GRID1: variants seen among roughly 807,000 people sequenced by gnomAD.
GRID1 encodes glutamate ionotropic receptor delta type subunit 1, also known as glutamate receptor ionotropic, delta-1.
A neutral mutation model predicts 98.0 loss-of-function variants in GRID1; 28 were observed. The ratio of observed to expected loss-of-function variants is 0.29; its 90% CI spans 0.21 to 0.39. The LOEUF (loss-of-function observed/expected upper bound fraction) is 0.39. Among genes scored for constraint, GRID1 ranks in the 10% least tolerant of loss-of-function variants. The probability of loss-of-function intolerance (pLI) is 1.00; values close to 1 mark genes in which losing one functional copy is unlikely to be tolerated. For synonymous variants in GRID1, 553 were observed against 538.5 expected, an observed-to-expected ratio of 1.03 and a Z score of -0.37; for missense variants, 1,111 against 1,340.5, an observed-to-expected ratio of 0.83 and a Z score of 2.67.
chr10:86,175,522 C>T (rs1251134671), intron 3 of GRID1, among the ~76,000 whole-genome samples: 3 of 152,070 alleles, frequency 2.0e-5, no homozygotes, highest in African/African-American at 4.8e-5. Context: ...CCTGCCATCT[C>T]TCGAACCCAC....
intron 12 of GRID1, among the ~76,000 whole-genome samples, chr10:85,704,981 G>T (rs1320333502): frequency 6.6e-6 from 1 of 152,128 alleles, no homozygotes; most frequent in East Asian, 1.9e-4. Flanking sequence ...TGTGTAGAGG[G>T]AAATTTATAG....
At chr10:86,199,110 C>A (rs191677587) in intron 3 of GRID1, among the ~76,000 whole-genome samples, 56 of 152,208 alleles carry the variant, frequency 3.7e-4, no homozygotes, top group African/African-American at 1.3e-3. Flanking sequence ...GTGAAAAATT[C>A]ATCTCCCATC....
intron 4 of GRID1, among the ~76,000 whole-genome samples, chr10:86,108,280 A>G (rs1216718648): frequency 1.3e-5 from 2 of 151,950 alleles, no homozygotes; most frequent in Non-Finnish European, 2.9e-5. Flanking sequence ...CTTCAATATA[A>G]CCTCTTTGCA....
intron 4 of GRID1, among the ~76,000 whole-genome samples, chr10:86,120,016 G>C (rs1844643170): frequency 6.6e-6 from 1 of 151,896 alleles, no homozygotes; most frequent in Admixed American, 6.6e-5. Context: ...TAGCAAGATG[G>C]TCTCGATCTC....
At chr10:85,858,800 C>A (rs1822339554) in intron 6 of GRID1, among the ~76,000 whole-genome samples, 1 of 152,208 alleles carries the variant, frequency 6.6e-6, no homozygotes, top group South Asian at 2.1e-4. Flanking sequence ...CACACACTCA[C>A]ACATCAGGGC....
chr10:85,769,091 A>T (rs528063548), intron 8 of GRID1, among the ~76,000 whole-genome samples: 13 of 152,240 alleles, frequency 8.5e-5, no homozygotes, highest in Non-Finnish European at 1.5e-4. Flanking sequence ...GTACCTGTAA[A>T]AAAAAGAATC....
chr10:86,204,122 G>A (rs2132017506), intron 3 of GRID1, among the ~76,000 whole-genome samples: 1 of 152,108 alleles, frequency 6.6e-6, no homozygotes, highest in East Asian at 1.9e-4. Context: ...GAGGGGTGGG[G>A]GAGTGTGACT....
intron 6 of GRID1, among the ~76,000 whole-genome samples, chr10:85,866,534 C>A (rs1456142408): frequency 6.6e-6 from 1 of 151,848 alleles, no homozygotes; most frequent in Non-Finnish European, 1.5e-5. Flanking sequence ...CTGAAATACC[C>A]CAATGGGCAC....
chr10:85,770,193 C>G lies in GRID1; in HGVS notation c.1234-40579G>C, dbSNP rs188525716. On this transcript the variant is annotated intron_variant, in intron 8 of 15. Transcript: ENST00000327946. ...CGAAAATCTGCTGTTCTGCAGCCAC[C>G]GCTGCTGGTACCCAGGCAAACAGGG... Among the ~76,000 whole-genome samples, 852 of 152,266 alleles carry G rather than the reference C, an allele frequency of 5.6e-3. 10 individuals are homozygous for G. The highest frequency in any genetic ancestry group is 5.8e-3 in the Non-Finnish European group (392 of 68,024).
intron 13 of GRID1, among the ~76,000 whole-genome samples, chr10:85,635,383 G>A (rs1197260681): frequency 6.6e-6 from 1 of 152,096 alleles, no homozygotes; most frequent in African/African-American, 2.4e-5. Context: ...GACTGACTCT[G>A]CCACCCAGGC....
intron 8 of GRID1, among the ~76,000 whole-genome samples, chr10:85,846,426 C>A (rs777546101): frequency 6.6e-6 from 1 of 152,026 alleles, no homozygotes; most frequent in Non-Finnish European, 1.5e-5. Flanking sequence ...CGTGGGCCTG[C>A]GGCACAAGAA....
At chr10:85,860,790 A>C (rs1017009054) in intron 6 of GRID1, among the ~76,000 whole-genome samples, 1 of 152,194 alleles carries the variant, frequency 6.6e-6, no homozygotes, top group Non-Finnish European at 1.5e-5. Context: ...AGTGAAGTAG[A>C]TCTCCACTAG....
At position 85,759,463 on chromosome 10, in the gene GRID1, C is replaced by A. The variant is rs889599033; in HGVS notation, c.1234-29849G>T. 1.2e-4 allele frequency among the ~76,000 whole-genome samples: 18 copies of A among 152,326 alleles called. 1 individual carries two copies. Among genetic ancestry groups the A allele is most frequent in the Middle Eastern group, 6.8e-3 (2 of 294 alleles). ...TGAAAAGGATCACACTTGTTGTCTT[C>A]TTTTGACTTTATGAACAACCAACTC... On this transcript the variant is annotated intron_variant, in intron 8 of 15. Coordinates refer to ENST00000327946, the MANE Select transcript of GRID1 (RefSeq NM_017551.3).
At chr10:85,726,706 C>A (rs1390669182) in intron 10 of GRID1, among the ~76,000 whole-genome samples, 1 of 152,106 alleles carries the variant, frequency 6.6e-6, no homozygotes, top group Admixed American at 6.5e-5. Context: ...ACAAAATGTT[C>A]ACTGAAGCAA....
chr10:86,252,283 A>G (rs1026789283), intron 2 of GRID1, among the ~76,000 whole-genome samples: 1 of 152,194 alleles, frequency 6.6e-6, no homozygotes, highest in African/African-American at 2.4e-5. Context: ...GTCTTCCTTC[A>G]GCCTCGGGCT....
chr10:86,234,554 T>C (rs929382460), intron 2 of GRID1, among the ~76,000 whole-genome samples: 14 of 152,222 alleles, frequency 9.2e-5, no homozygotes, highest in African/African-American at 3.4e-4. Context: ...AAAAACTAAG[T>C]TTCCTGGGAG....
At chr10:85,731,931 G>C (rs1177284414) in intron 8 of GRID1, among the ~76,000 whole-genome samples, 1 of 121,286 alleles carries the variant, frequency 8.2e-6, no homozygotes, top group East Asian at 2.1e-4. Context: ...GAAAGAGAGA[G>C]AGAGAAGGGA....
intron 3 of GRID1, among the ~76,000 whole-genome samples, chr10:86,174,492 C>T (rs1236287073): frequency 6.6e-6 from 1 of 151,518 alleles, no homozygotes; most frequent in East Asian, 1.9e-4. Flanking sequence ...AAAATTAATT[C>T]AAGATGGATT....
intron 3 of GRID1, among the ~76,000 whole-genome samples, chr10:86,201,953 A>T (rs1404411991): frequency 6.6e-6 from 1 of 152,232 alleles, no homozygotes; most frequent in Non-Finnish European, 1.5e-5. Context: ...TATTTTTCAA[A>T]CTGATTGTGG....
Sources: gnomAD v4.1 joint callset for allele counts (sites outside exome capture counted in the v4.1 genomes callset) on GRCh38, gnomAD v4.1.1 for gene constraint, MANE v1.5 for transcripts, NCBI Gene and HGNC (gene_info 2026-07-23, HGNC 2026-07-21) for gene names.